ARHGEF3: variants seen among roughly 807,000 people sequenced by gnomAD.
ARHGEF3 encodes 59.8 kDA protein.
A neutral mutation model predicts 63.2 loss-of-function variants in ARHGEF3; 28 were observed. The ratio of observed to expected loss-of-function variants is 0.44; its 90% CI spans 0.33 to 0.61. The LOEUF is 0.61. Among genes scored for constraint, ARHGEF3 ranks in the 20% least tolerant of loss-of-function variants. The pLI is 0.03. For missense variants in ARHGEF3, 533 were observed against 659.3 expected (o/e 0.81, Z 2.10); for synonymous variants, 266 against 254.2 (o/e 1.05, Z -0.44).
At chr3:56,968,179 AAAATATATAT>A (rs1560094017) in intron 2 of ARHGEF3, among the ~76,000 whole-genome samples, 550 of 25,512 alleles carry the variant, frequency 0.022, 6 homozygotes, top group East Asian at 0.1. Context: ...AATATATATA[AAAATATATAT>A]TATATATAAT....
At chr3:56,819,934 C>G (rs1316565789) in intron 4 of ARHGEF3, among the ~76,000 whole-genome samples, 1 of 151,876 alleles carries the variant, frequency 6.6e-6, no homozygotes, top group Admixed American at 6.6e-5. Context: ...CTCAGCTTCC[C>G]AAGTAGCTGG....
chr3:57,033,355 G>C (rs931764540), intron 2 of ARHGEF3, among the ~76,000 whole-genome samples: 1 of 151,036 alleles, frequency 6.6e-6, no homozygotes, highest in South Asian at 2.1e-4. Context: ...CACCATCAGG[G>C]AAATGGCCCA....
At chr3:56,852,182 T>C (rs2039697031) in intron 4 of ARHGEF3, among the ~76,000 whole-genome samples, 1 of 152,174 alleles carries the variant, frequency 6.6e-6, no homozygotes, top group Non-Finnish European at 1.5e-5. Flanking sequence ...ACAGCAGAGC[T>C]ATGGGTCATT....
chr3:56,837,707 A>C (rs1021505764), intron 4 of ARHGEF3, among the ~76,000 whole-genome samples: 2 of 152,132 alleles, frequency 1.3e-5, no homozygotes, highest in African/African-American at 4.8e-5. Flanking sequence ...GTCCTGACAA[A>C]CGGTTTCCTC....
chr3:56,779,337 G>A (rs2036435558), intron 1 of ARHGEF3, among the ~76,000 whole-genome samples: 1 of 152,164 alleles, frequency 6.6e-6, no homozygotes, highest in African/African-American at 2.4e-5. Context: ...GAAAGTGGAT[G>A]GAAAAAGAGG....
At chr3:56,928,856 G>T (rs1578866283) in intron 3 of ARHGEF3, among the ~76,000 whole-genome samples, 1 of 152,192 alleles carries the variant, frequency 6.6e-6, no homozygotes, top group South Asian at 2.1e-4. Context: ...AGGGCCACAT[G>T]GGTAAAGAAT....
At chr3:56,901,195 G>C (rs1019254881) in intron 3 of ARHGEF3, among the ~76,000 whole-genome samples, 2 of 152,110 alleles carry the variant, frequency 1.3e-5, no homozygotes, top group African/African-American at 4.8e-5. Context: ...GGCAAAAGAA[G>C]GTGATCCACA....
chr3:57,006,638 C>T (rs1702480064), intron 2 of ARHGEF3, among the ~76,000 whole-genome samples: 2 of 152,162 alleles, frequency 1.3e-5, no homozygotes, highest in Non-Finnish European at 2.9e-5. Flanking sequence ...CGTAGCTTTT[C>T]ATAGGTCCTA....
chr3:57,069,833 T>C (rs1245345171), intron 1 of ARHGEF3, among the ~76,000 whole-genome samples: 2 of 152,130 alleles, frequency 1.3e-5, no homozygotes. Flanking sequence ...TTTATAGAAA[T>C]AGAGTCTCGC....
At chr3:56,939,508 G>A (rs1699071277) in intron 3 of ARHGEF3, among the ~76,000 whole-genome samples, 1 of 152,196 alleles carries the variant, frequency 6.6e-6, no homozygotes. Context: ...ACCACCTTCT[G>A]TTTAAAACCC....
intron 4 of ARHGEF3, among the ~76,000 whole-genome samples, chr3:56,828,092 G>C (rs1197334147): frequency 6.6e-6 from 1 of 151,596 alleles, no homozygotes; most frequent in Admixed American, 6.6e-5. Context: ...TACATACATT[G>C]TTATATTTAC....
intron 4 of ARHGEF3, among the ~76,000 whole-genome samples, chr3:56,821,823 G>A (rs553626787): frequency 3.9e-5 from 6 of 152,164 alleles, no homozygotes; most frequent in African/African-American, 1.4e-4. Flanking sequence ...AATTAGCCGG[G>A]CATGGTGGGG....
intron 3 of ARHGEF3, among the ~76,000 whole-genome samples, chr3:56,899,676 G>A (rs1187383106): frequency 6.6e-6 from 1 of 152,160 alleles, no homozygotes; most frequent in Non-Finnish European, 1.5e-5. Flanking sequence ...ACAAATGAGT[G>A]GGACTTAGGA....
intron 1 of ARHGEF3, among the ~76,000 whole-genome samples, chr3:57,041,327 T>C (rs1005557874): frequency 7.2e-5 from 11 of 152,128 alleles, no homozygotes; most frequent in Non-Finnish European, 1.0e-4. Flanking sequence ...AATCCCTCTA[T>C]TGAATAGTAG....
chr3:56,906,664 C>T (rs558131531), intron 3 of ARHGEF3, among the ~76,000 whole-genome samples: 2 of 152,034 alleles, frequency 1.3e-5, no homozygotes, highest in South Asian at 2.1e-4. Flanking sequence ...GGTGAAACTT[C>T]GTTTCTACTA....
intron 2 of ARHGEF3, among the ~76,000 whole-genome samples, chr3:57,007,633 G>A (rs1431748651): frequency 1.3e-5 from 2 of 152,074 alleles, no homozygotes; most frequent in Non-Finnish European, 2.9e-5. Flanking sequence ...CTTCCTAGCC[G>A]ACCAGGGACG....
intron 3 of ARHGEF3, among the ~76,000 whole-genome samples, chr3:56,935,148 G>A (rs62251096): frequency 1.3e-5 from 2 of 150,266 alleles, no homozygotes; most frequent in Non-Finnish European, 3.0e-5. Flanking sequence ...AAACACACCA[G>A]TCAGCACCCT....
intron 9 of ARHGEF3, chr3:56,731,778 T>G (rs150714915): frequency 1.0e-5 from 2 of 194,272 alleles, no homozygotes; most frequent in African/African-American, 4.7e-5. Flanking sequence ...AGTCTTAAAT[T>G]AGGCCCACTG....
At chr3:56,805,413 T>C (rs1436606659), upstream of ARHGEF3, among the ~76,000 whole-genome samples, 1 of 152,110 alleles carries the variant, frequency 6.6e-6, no homozygotes, top group Non-Finnish European at 1.5e-5. Flanking sequence ...TTTTATATTT[T>C]TTGTAGAGAT....
Sources: allele counts gnomAD v4.1 joint callset (sites outside exome capture counted in the v4.1 genomes callset), GRCh38; gene constraint gnomAD v4.1.1; transcripts MANE v1.5; gene names NCBI Gene and HGNC (gene_info 2026-07-23, HGNC 2026-07-21).